PRICKLE2: variants seen among roughly 807,000 people sequenced by gnomAD.
The protein encoded by PRICKLE2 is prickle-like protein 2.
PRICKLE2 carries 21 observed loss-of-function variants against 81.4 expected under a neutral mutation model. That is an observed-to-expected ratio of 0.26 (90% CI 0.18 to 0.37). The LOEUF is 0.37. PRICKLE2 is among the 10% of genes least tolerant of loss of function. The pLI, the probability that PRICKLE2 is intolerant of heterozygous loss-of-function variation, is 1.00. For missense variants in PRICKLE2, 940 were observed against 1,109.0 expected (o/e 0.85, Z 2.16); for synonymous variants, 456 against 421.5 (o/e 1.08, Z -1.00).
intron 2 of PRICKLE2, among the ~76,000 whole-genome samples, chr3:64,236,846 TA>T (rs2079188369): frequency 6.6e-6 from 1 of 152,226 alleles, no homozygotes. Context: ...AAGCACTTTG[TA>T]TGGTGTCAAA....
Position 64,099,923 on chromosome 3 carries a change from G to C in PRICKLE2, c.1663C>G (p.Leu555Val). 1 of 1,614,110 alleles carries C rather than the reference G, an allele frequency of 6.2e-7. No homozygotes were observed. Among genetic ancestry groups the C allele is most frequent in the Non-Finnish European group, 8.5e-7 (1 of 1,180,022 alleles). Residue 555 changes from leucine (L) to valine (V), a missense_variant and splice_region_variant, in exon 8 of 8, where the codon CTC becomes GTC. Physicochemically the swap from Leu to Val is conservative, Grantham distance 32. Transcript: ENST00000638394. The surrounding 1 kb of genome is among the most constrained non-coding windows in gnomAD (Gnocchi z 4.3). ...ESLALSNATGLSADGGAKRQE... is the reference protein window; with the variant it reads ...ESLALSNATGVSADGGAKRQE... ...CGCTTGGCACCACCATCAGCAGAGA[G>C]GCCTGGGGAAGAGAGGAGGGGACCA...
intron 2 of PRICKLE2, among the ~76,000 whole-genome samples, chr3:64,190,935 A>G (rs1028756186): frequency 1.3e-5 from 2 of 152,192 alleles, no homozygotes; most frequent in African/African-American, 4.8e-5. Context: ...TGGGTGGCAG[A>G]GCTCAGTACT....
At chr3:64,255,839 A>C (rs374978767) in intron 2 of PRICKLE2, among the ~76,000 whole-genome samples, 1 of 152,210 alleles carries the variant, frequency 6.6e-6, no homozygotes, top group African/African-American at 2.4e-5. Context: ...GGGTGAGACA[A>C]GGGGAAGTCT....
rs116835763 is a variant in PRICKLE2, at chr3:64,157,719, T to C, written c.397-354A>G. Among the ~76,000 whole-genome samples the C allele has an allele frequency of 5.3e-3, 795 of 151,392 alleles. 12 individuals are homozygous for C. Among genetic ancestry groups the C allele is most frequent in the African/African-American group, 0.018 (755 of 41,268 alleles). ...TATCTTTTAGATACTTTAAACTCCA[T>C]GCAGAGACACAGCCAGGTTTAACAC... On this transcript the variant is annotated intron_variant, in intron 4 of 7. Coordinates refer to ENST00000638394, the MANE Select transcript of PRICKLE2 (RefSeq NM_198859.4).
intron 2 of PRICKLE2, among the ~76,000 whole-genome samples, chr3:64,183,002 C>T (rs2078161804): frequency 6.6e-6 from 1 of 151,928 alleles, no homozygotes; most frequent in African/African-American, 2.4e-5. Flanking sequence ...ATGTATTATA[C>T]CCATCAATTA....
At chr3:64,219,346 T>C (rs1311520909) in intron 1 of PRICKLE2, among the ~76,000 whole-genome samples, 2 of 152,188 alleles carry the variant, frequency 1.3e-5, no homozygotes, top group African/African-American at 2.4e-5. Flanking sequence ...AGTTAGAACC[T>C]GATGTGCACA....
chr3:64,176,176 A>C (rs1209133038), intron 2 of PRICKLE2, among the ~76,000 whole-genome samples: 1 of 152,202 alleles, frequency 6.6e-6, no homozygotes, highest in Admixed American at 6.5e-5. Flanking sequence ...ACTAGCTGCA[A>C]GGGAAGCTAG....
At chr3:64,243,276 G>A (rs2079295420) in intron 2 of PRICKLE2, among the ~76,000 whole-genome samples, 3 of 152,156 alleles carry the variant, frequency 2.0e-5, no homozygotes, top group South Asian at 2.1e-4. Flanking sequence ...GACAATTCAT[G>A]CCAATTTCTT....
chr3:64,105,093 C>G (rs986092930), intron 7 of PRICKLE2, among the ~76,000 whole-genome samples: 1 of 152,134 alleles, frequency 6.6e-6, no homozygotes, highest in East Asian at 1.9e-4. Context: ...CCTGTCTCCC[C>G]AAACACAACA....
At chr3:64,226,291 C>T (rs903546083), upstream of PRICKLE2, among the ~76,000 whole-genome samples, 7 of 152,096 alleles carry the variant, frequency 4.6e-5, no homozygotes, top group South Asian at 2.1e-4. Context: ...TTGGGGTCTC[C>T]GAGCTCCATT....
At chr3:64,104,888 G>A (rs2076730295) in intron 7 of PRICKLE2, among the ~76,000 whole-genome samples, 1 of 152,210 alleles carries the variant, frequency 6.6e-6, no homozygotes, top group African/African-American at 2.4e-5. Flanking sequence ...GGCCAATGTT[G>A]ACCAAAGATG....
At chr3:64,100,302 G>A in intron 7 of PRICKLE2, 1 of 214,356 alleles carries the variant, frequency 4.7e-6, no homozygotes, top group Non-Finnish European at 9.5e-6. Flanking sequence ...TATAAGCTCT[G>A]TAGGACAGAT....
At chr3:64,140,072 C>A (rs2077337090) in intron 7 of PRICKLE2, among the ~76,000 whole-genome samples, 1 of 152,320 alleles carries the variant, frequency 6.6e-6, no homozygotes, top group Middle Eastern at 3.4e-3. Context: ...AATACTAATA[C>A]CAACCAGTAT....
chr3:64,164,144 G>A (rs747271980), intron 2 of PRICKLE2, among the ~76,000 whole-genome samples: 25 of 151,974 alleles, frequency 1.6e-4, no homozygotes, highest in Non-Finnish European at 2.4e-4. Context: ...GGGCTGAGGC[G>A]GGCGGGAGAA....
intron 2 of PRICKLE2, among the ~76,000 whole-genome samples, chr3:64,194,482 G>C (rs1311772806): frequency 1.3e-5 from 2 of 152,158 alleles, no homozygotes; most frequent in East Asian, 3.9e-4. Flanking sequence ...ACCTCAAATG[G>C]GAAGTGCTTT....
At chr3:64,181,789 T>C in intron 2 of PRICKLE2, among the ~76,000 whole-genome samples, 1 of 152,182 alleles carries the variant, frequency 6.6e-6, no homozygotes, top group East Asian at 1.9e-4. Context: ...AAAGAGAAAC[T>C]ACCCAAAATT....
chr3:64,141,392 A>C (rs1276676607), intron 7 of PRICKLE2, among the ~76,000 whole-genome samples: 1 of 152,224 alleles, frequency 6.6e-6, no homozygotes. Context: ...TGTTGTGAGG[A>C]CTGAGTGAGT....
chr3:64,257,830 A>G (rs1408529411), intron 2 of PRICKLE2, among the ~76,000 whole-genome samples: 1 of 152,146 alleles, frequency 6.6e-6, no homozygotes, highest in South Asian at 2.1e-4. Context: ...CCTAACCCCT[A>G]AAGTGATAGT....
In PRICKLE2 at chr3:64,098,950, C is replaced by A; in HGVS notation, c.*101G>T. On this transcript the variant is annotated 3_prime_UTR_variant, in exon 8 of 8. Coordinates refer to ENST00000638394, the MANE Select transcript of PRICKLE2 (RefSeq NM_198859.4). ...TGACAGCATTTTCCCTTTTCTCCCC[C>A]ATAAGCCACCCCCAAAAGCGCTTTA... The A allele has an allele frequency of 1.4e-6, 2 of 1,426,012 alleles. No individual in the cohort carries two copies. Among genetic ancestry groups the A allele is most frequent in the Non-Finnish European group, 9.9e-7 (1 of 1,012,766 alleles). The allele number at this position is 1,426,012 out of a possible 1,614,324, so 88.3% of individuals were successfully genotyped here.
Sources: gnomAD v4.1 joint callset for allele counts (sites outside exome capture counted in the v4.1 genomes callset) on GRCh38, gnomAD v4.1.1 for gene constraint, Gnocchi (gnomAD v3.1) non-coding constraint, MANE v1.5 for transcripts, NCBI Gene and HGNC (gene_info 2026-07-23, HGNC 2026-07-21) for gene names.